UNC45A: variants seen among roughly 807,000 people sequenced by gnomAD.
UNC45A encodes the protein protein unc-45 homolog A.
Under a neutral mutation model 103.2 loss-of-function variants are expected in UNC45A, and 78 were observed. The ratio of observed to expected loss-of-function variants is 0.76; its 90% CI spans 0.63 to 0.91. The LOEUF is 0.91. Ranked by LOEUF, UNC45A falls within the 40% of genes least tolerant of loss-of-function variation. The pLI, the probability that UNC45A is intolerant of heterozygous loss-of-function variation, is 0.00. For missense variants in UNC45A, 1,193 were observed against 1,224.8 expected (o/e 0.97, Z 0.39); for synonymous variants, 495 against 504.6 (o/e 0.98, Z 0.25).
chr15:90,943,058 C>T lies in UNC45A; in HGVS notation c.1003C>T (p.Leu335Phe). ...GTCTCTCAAGGACCCCAACAACAGC[C>T]TCACCCTCTGGGTCATCGACCAAGG... ...RKSLKDPNNS[L>F]TLWVIDQGLK... The change falls in exon 8 of 20, where the codon CTC (leucine) becomes TTC (phenylalanine). Residue 335 changes from leucine (L) to phenylalanine (F), a missense_variant. Transcript: ENST00000418476. 1 of 1,613,798 alleles carries T rather than the reference C, an allele frequency of 6.2e-7. No individual in the cohort carries two copies. Among genetic ancestry groups the T allele is most frequent in the South Asian group, 1.1e-5 (1 of 91,038 alleles).
chr15:90,948,744 G>T lies in UNC45A; in HGVS notation c.1828G>T (p.Val610Leu). 10 of 1,613,700 alleles carry T rather than the reference G, an allele frequency of 6.2e-6. No individual in the cohort carries two copies. The highest frequency in any genetic ancestry group is 6.8e-6 in the Non-Finnish European group (8 of 1,179,944). The change falls in exon 13 of 20, where the codon GTG becomes TTG. Residue 610 changes from valine (V) to leucine (L), a missense_variant. Val to Leu is a conservative substitution (Grantham distance 32, BLOSUM62 1). Transcript: ENST00000418476. ...CTACGAGGAGCCCGACCCCAAGATG[G>T]TGGAGCTGGCCAAGTATGCCAAGCA... ...YDYEEPDPKM[V>L]ELAKYAKQHV...
At chr15:90,949,217 CTGTTT>C in intron 13 of UNC45A, 94 bp from the exon 14 acceptor site, 5 of 1,489,100 alleles carry the variant, frequency 3.4e-6, no homozygotes, top group South Asian at 1.3e-5. Flanking sequence ...TTTTGTCTGG[CTGTTT>C]TATTTCCCAG....
At chr15:90,940,947 G>A (rs1454123671) in intron 6 of UNC45A, 2 of 152,294 alleles carry the variant, frequency 1.3e-5, no homozygotes, top group African/African-American at 2.4e-5. Flanking sequence ...AAAAAGAAAA[G>A]GCAGAGTACA....
At position 90,951,975 on chromosome 15, in the gene UNC45A, C is replaced by CG. The variant is rs145585004; in HGVS notation, c.2304-953dup. Among the ~76,000 whole-genome samples the CG allele has an allele frequency of 3.8e-3, 577 of 152,306 alleles. 4 individuals carry two copies. Among genetic ancestry groups the CG allele is most frequent in the African/African-American group, 0.013 (548 of 41,568 alleles). On this transcript the variant is annotated intron_variant, in intron 17 of 19. Transcript: ENST00000418476. The stretch of plus-strand genomic sequence containing the variant: ...ATGTTAGGTGTTAGCCTCACCATCA[C>CG]GACCACCCTGGTCTTCTACATCCTA...
Position 90,949,744 on chromosome 15 carries a change from C to T in UNC45A, c.2073+24C>T, listed in dbSNP as rs375489052. ...GGGTAAGCTGGTTTACACACCCCTT[C>T]CTGATGGCTGAGCCATCAGCCTATA... On this transcript the variant is annotated intron_variant, in intron 15 of 19. Coordinates refer to ENST00000418476, the MANE Select transcript of UNC45A (RefSeq NM_018671.5). 2.9e-5 allele frequency: 46 copies of T among 1,612,722 alleles called. No homozygotes were observed. The Middle Eastern group carries it at 6.6e-4, about 23-fold the overall frequency.
intron 10 of UNC45A, chr15:90,947,500 C>T (rs921371486): frequency 2.6e-5 from 11 of 426,886 alleles, no homozygotes; most frequent in Admixed American, 7.0e-5. Flanking sequence ...CTTCTTTGTG[C>T]GACATGGAAG....
chr15:90,931,471 C>T, upstream of UNC45A: 1 of 1,614,138 alleles, frequency 6.2e-7, no homozygotes, highest in Non-Finnish European at 8.5e-7. Context: ...TTCCCCACTT[C>T]CTGGCAAGCT....
upstream of UNC45A, chr15:90,932,626 C>T: frequency 1.2e-6 from 1 of 828,000 alleles, no homozygotes; most frequent in East Asian, 3.4e-5. Context: ...GCCCGGGGAT[C>T]GTGGAGGCTA....
chr15:90,949,419 G>A lies in UNC45A; in HGVS notation c.1982G>A (p.Ser661Asn), dbSNP rs1259891974. Residue 661 changes from serine to asparagine, a missense_variant, in exon 14 of 20, where the codon AGT (serine) becomes AAT (asparagine). By Grantham distance (46) the Ser-to-Asn change is conservative. Coordinates refer to ENST00000418476, the MANE Select transcript of UNC45A (RefSeq NM_018671.5). ...MVKTESPVLT[S>N]SCRELLSRVF... Reference sequence around the variant, plus strand: ...AAGACGGAGAGCCCTGTGCTGACCAGTTCCTGCAGAGAGCTGCTCTCCAGG... The same window carrying A: ...AAGACGGAGAGCCCTGTGCTGACCAATTCCTGCAGAGAGCTGCTCTCCAGG... 21 of 1,613,720 alleles carry A rather than the reference G, an allele frequency of 1.3e-5. No homozygotes were observed. Among genetic ancestry groups the A allele is most frequent in the Admixed American group, 5.0e-5 (3 of 60,000 alleles).
chr15:90,934,155 A>G (rs1381541803), upstream of UNC45A: 18 of 398,860 alleles, frequency 4.5e-5, no homozygotes, highest in East Asian at 5.7e-4. Flanking sequence ...TACAGCACTT[A>G]CCCCTGTGGC....
At chr15:90,947,016 A>C (rs1178318899) in intron 10 of UNC45A, 102 bp downstream of exon 10, 1 of 1,413,394 alleles carries the variant, frequency 7.1e-7, no homozygotes, top group East Asian at 2.3e-5. Flanking sequence ...GATGAAAATA[A>C]GGAATACTGT....
intron 6 of UNC45A, 73 bp downstream of exon 6, chr15:90,940,546 C>G: frequency 5.2e-6 from 8 of 1,530,308 alleles, no homozygotes; most frequent in Non-Finnish European, 7.1e-6. Context: ...TCCATCCACC[C>G]ATCTGTCCAT....
chr15:90,940,803 C>T (rs71409369), intron 6 of UNC45A: 9,154 of 161,940 alleles, frequency 0.057, 376 homozygotes, highest in South Asian at 0.15. Flanking sequence ...ATCCCAGCTA[C>T]TCAGGAGGCT....
At position 90,953,240 on chromosome 15, in the gene UNC45A, G is replaced by C; in HGVS notation, c.2507G>C (p.Arg836Pro). ...YSGEDDELLQ[R>P]AAAGGLAMLT... ...GGAGAGGATGATGAGCTGCTACAGC[G>C]GGCAGCTGCCGGGGGCTTGGCCATG... Residue 836 changes from arginine to proline, a missense_variant, in exon 19 of 20, where the codon CGG becomes CCG. By Grantham distance (103) the Arg-to-Pro change is moderately radical. Transcript: ENST00000418476. 1 of 1,613,716 alleles carries C rather than the reference G, an allele frequency of 6.2e-7. No homozygotes were observed. The highest frequency in any genetic ancestry group is 1.1e-5 in the South Asian group (1 of 91,058).
At position 90,946,655 on chromosome 15, in the gene UNC45A, C is replaced by T. The variant is rs1260979089; in HGVS notation, c.1241C>T (p.Ala414Val). ...EGQGLAGKLR[A>V]IQTVSCLLQG... ...CAAGGGCTGGCCGGGAAGCTACGGG[C>T]CATCCAGACGGTGTCCTGCCTCCTG... Residue 414 changes from alanine to valine, a missense_variant, in exon 10 of 20, where the codon GCC becomes GTC. Physicochemically the swap from Ala to Val is moderately conservative, Grantham distance 64. Coordinates refer to ENST00000418476, the MANE Select transcript of UNC45A (RefSeq NM_018671.5). The T allele has an allele frequency of 6.2e-7, 1 of 1,611,602 alleles. No homozygotes were observed. Among genetic ancestry groups the T allele is most frequent in the Admixed American group, 1.7e-5 (1 of 59,962 alleles).
At chr15:90,948,817 A>G (rs2036723433) in intron 13 of UNC45A, 23 bp downstream of exon 13, 1 of 1,566,818 alleles carries the variant, frequency 6.4e-7, no homozygotes, top group African/African-American at 1.4e-5. Flanking sequence ...CAGAGGGGCT[A>G]GAGGGTTCCC....
At chr15:90,931,414 G>A (rs774617992), upstream of UNC45A, 8 of 1,595,454 alleles carry the variant, frequency 5.0e-6, no homozygotes, top group Middle Eastern at 1.6e-4. Context: ...TCCTGCATAA[G>A]AGTCGACAGA....
intron 9 of UNC45A, 102 bp downstream of exon 9, chr15:90,945,165 A>G: frequency 6.8e-7 from 1 of 1,465,094 alleles, no homozygotes; most frequent in East Asian, 2.3e-5. Flanking sequence ...AGAAACAGTA[A>G]TCTTGGGGAG....
rs865919862 is a variant in UNC45A, at chr15:90,947,058, G to A, written c.1500+144G>A. 1.7e-5 allele frequency: 16 copies of A among 938,430 alleles called. No homozygotes were observed. The African/African-American group carries it at 2.0e-4, about 12-fold the overall frequency. The allele number at this position is 938,430 out of a possible 1,614,324, so 58.1% of individuals were successfully genotyped here. A position where few individuals can be genotyped will look rare whatever the true frequency, so the allele number is the denominator to read the frequency against. On this transcript the variant is annotated intron_variant, in intron 10 of 19. Coordinates refer to ENST00000418476, the MANE Select transcript of UNC45A (RefSeq NM_018671.5). ...AAAAAAATTAGCTAGGCTTGGTGGT[G>A]CATGCCTATAGGTCCAGCTACTTGG...
Sources: gnomAD v4.1 joint callset for allele counts (sites outside exome capture counted in the v4.1 genomes callset) on GRCh38, gnomAD v4.1.1 for gene constraint, MANE v1.5 for transcripts, NCBI Gene and HGNC (gene_info 2026-07-23, HGNC 2026-07-21) for gene names.